The following KLF8 variants were observed in gnomAD, a reference collection of about 807,000 sequenced individuals.
The protein encoded by KLF8 is KLF transcription factor 8, also known as Krueppel-like factor 8.
In KLF8, 10 loss-of-function variants were observed where a neutral mutation model predicts 18.2. The observed-to-expected ratio is 0.55, with a 90% CI of 0.34 to 0.93. KLF8 has a LOEUF of 0.93. KLF8 is among the 40% of genes least tolerant of loss of function. The pLI is 0.02. For missense variants in KLF8, 264 were observed against 277.9 expected (o/e 0.95, Z 0.36); for synonymous variants, 109 against 97.3 (o/e 1.12, Z -0.71).
chrX:56,246,580 G>A (rs2066625252), intron 1 of KLF8, among the ~76,000 whole-genome samples: 1 of 111,818 alleles, frequency 8.9e-6, no homozygotes, highest in South Asian at 3.8e-4. Context: ...AGAAGTCACA[G>A]AATCAGAATG....
intron 3 of KLF8, chrX:56,268,910 T>G (rs1239675139): frequency 2.1e-6 from 2 of 950,584 alleles, no homozygotes; most frequent in South Asian, 4.4e-5. Context: ...TATTTCTGTT[T>G]AGGAGCACAA....
chrX:56,138,330 T>C, the KLF8 span, among the ~76,000 whole-genome samples: 14,023 of 111,041 alleles, frequency 0.13, 1,615 homozygotes, highest in African/African-American at 0.37. Flanking sequence ...GCCAGCATCA[T>C]TCTGATACCA....
At chrX:55,926,307 C>T in the KLF8 span, among the ~76,000 whole-genome samples, 1 of 111,502 alleles carries the variant, frequency 9.0e-6, no homozygotes, top group South Asian at 3.7e-4. Flanking sequence ...CAAGATTGTC[C>T]TTGTAAATCT....
chrX:56,026,060 C>T, the KLF8 span, among the ~76,000 whole-genome samples: 1 of 112,139 alleles, frequency 8.9e-6, no homozygotes, highest in Non-Finnish European at 1.9e-5. Context: ...TGGAGTAGGG[C>T]TTGTCATCCT....
At chrX:56,046,710 G>C in the KLF8 span, among the ~76,000 whole-genome samples, 1 of 111,207 alleles carries the variant, frequency 9.0e-6, no homozygotes, top group East Asian at 2.8e-4. Context: ...ATAGGACCTC[G>C]ATCTCTTCTA....
At chrX:56,059,626 C>T in the KLF8 span, among the ~76,000 whole-genome samples, 1 of 111,851 alleles carries the variant, frequency 8.9e-6, no homozygotes, top group South Asian at 3.7e-4. Context: ...TTCCCCATTA[C>T]TTGTTTTTGG....
chrX:56,086,046 A>G, the KLF8 span, among the ~76,000 whole-genome samples: 5 of 111,856 alleles, frequency 4.5e-5, no homozygotes, highest in African/African-American at 1.6e-4. Context: ...TTTATTACTC[A>G]TTGCAGCAAA....
chrX:55,987,615 G>A, the KLF8 span, among the ~76,000 whole-genome samples: 1 of 112,133 alleles, frequency 8.9e-6, no homozygotes, highest in Non-Finnish European at 1.9e-5. Flanking sequence ...GGACATTTAG[G>A]TTGGATCCAA....
the KLF8 span, among the ~76,000 whole-genome samples, chrX:56,138,922 T>C: frequency 1.8e-5 from 2 of 110,995 alleles, no homozygotes; most frequent in Non-Finnish European, 3.8e-5. Context: ...GAAAAGCCCA[T>C]AGTCTCAGCC....
At chrX:56,094,249 T>C in the KLF8 span, among the ~76,000 whole-genome samples, 5 of 110,676 alleles carry the variant, frequency 4.5e-5, no homozygotes, top group Non-Finnish European at 7.6e-5. Context: ...CTAGATAGGT[T>C]ATAAGTAAAG....
the KLF8 span, among the ~76,000 whole-genome samples, chrX:56,059,579 C>T: frequency 8.9e-6 from 1 of 111,888 alleles, no homozygotes; most frequent in African/African-American, 3.2e-5. Flanking sequence ...TATGGTTAGC[C>T]AGTTTTCCCA....
At chrX:56,282,971 T>C (rs1439075613) in intron 5 of KLF8, among the ~76,000 whole-genome samples, 5 of 111,850 alleles carry the variant, frequency 4.5e-5, no homozygotes. Context: ...TGAAAAGTTC[T>C]CTTCCCACCA....
chrX:56,171,522 C>T, the KLF8 span, among the ~76,000 whole-genome samples: 1 of 110,780 alleles, frequency 9.0e-6, no homozygotes, highest in South Asian at 3.9e-4. Flanking sequence ...ATCCCTCCCC[C>T]TCCCTGAACC....
chrX:56,023,883 T>C, the KLF8 span, among the ~76,000 whole-genome samples: 1 of 111,968 alleles, frequency 8.9e-6, no homozygotes, highest in African/African-American at 3.2e-5. Flanking sequence ...AGTAATCTAC[T>C]GATGGACATT....
chrX:56,186,946 G>A, the KLF8 span, among the ~76,000 whole-genome samples: 42 of 111,167 alleles, frequency 3.8e-4, no homozygotes, highest in Non-Finnish European at 5.3e-4. Flanking sequence ...ATTGACACCC[G>A]AACATCACAA....
the KLF8 span, among the ~76,000 whole-genome samples, chrX:56,195,053 T>A: frequency 1.8e-5 from 2 of 111,951 alleles, no homozygotes; most frequent in Admixed American, 1.9e-4. Context: ...AAAAAGGTCA[T>A]CTACATCAAA....
the KLF8 span, among the ~76,000 whole-genome samples, chrX:55,967,756 C>T: frequency 9.0e-6 from 1 of 111,154 alleles, no homozygotes; most frequent in Non-Finnish European, 1.9e-5. Flanking sequence ...CTACACTTAC[C>T]TTAAATAGAA....
chrX:56,134,335 C>A, the KLF8 span, among the ~76,000 whole-genome samples: 1 of 111,737 alleles, frequency 8.9e-6, no homozygotes, highest in South Asian at 3.7e-4. Flanking sequence ...ACCAATGGGA[C>A]AGAAAGGAGA....
the KLF8 span, among the ~76,000 whole-genome samples, chrX:56,037,493 A>AT: frequency 8.1e-5 from 9 of 111,224 alleles, no homozygotes; most frequent in Non-Finnish European, 1.5e-4. Flanking sequence ...ATTGATATTA[A>AT]TTTTTTTAAA....
Sources: gnomAD v4.1 joint callset for allele counts (sites outside exome capture counted in the v4.1 genomes callset) on GRCh38, gnomAD v4.1.1 for gene constraint, MANE v1.5 for transcripts, NCBI Gene and HGNC (gene_info 2026-07-23, HGNC 2026-07-21) for gene names.